Variants in SLC8A1 observed in about 807,000 individuals in gnomAD.
The protein encoded by SLC8A1 is solute carrier family 8 member A1.
A neutral mutation model predicts 68.3 loss-of-function variants in SLC8A1; 18 were observed. That is an observed-to-expected ratio of 0.26 (90% CI 0.18 to 0.39). SLC8A1 has a LOEUF of 0.39. Ranked by LOEUF, SLC8A1 falls within the 10% of genes least tolerant of loss-of-function variation. SLC8A1 has a pLI of 1.00. For missense variants in SLC8A1, 985 were observed against 1,156.7 expected (o/e 0.85, Z 2.15); for synonymous variants, 475 against 415.5 (o/e 1.14, Z -1.74).
intron 4 of SLC8A1, among the ~76,000 whole-genome samples, chr2:40,172,589 C>A (rs559832799): frequency 6.6e-6 from 1 of 152,036 alleles, no homozygotes; most frequent in South Asian, 2.1e-4. Context: ...AAACTAGGAT[C>A]CCATTACCTG....
chr2:40,233,545 T>C (rs1398262515), intron 2 of SLC8A1, among the ~76,000 whole-genome samples: 1 of 139,722 alleles, frequency 7.2e-6, no homozygotes, highest in Non-Finnish European at 1.6e-5. Flanking sequence ...ATTCTGTAGG[T>C]TGCCTGTTCT....
intron 1 of SLC8A1, among the ~76,000 whole-genome samples, chr2:40,476,747 T>C (rs1704317258): frequency 6.6e-6 from 1 of 152,152 alleles, no homozygotes; most frequent in African/African-American, 2.4e-5. Context: ...GTGGCATAGC[T>C]CAGGGATAGA....
At position 40,504,436 on chromosome 2, in the gene SLC8A1, A is replaced by G. The variant is rs150736019; in HGVS notation, c.-25+7913T>C. ...GAGCAATACCCCACAAGCACAGGCA[A>G]CCAAAGCAAAAATGGATAAATGGGA... On this transcript the variant is annotated intron_variant, in intron 1 of 7. Transcript: ENST00000402441. 4.6e-3 allele frequency among the ~76,000 whole-genome samples: 704 copies of G among 152,224 alleles called. 9 individuals are homozygous for G. Among genetic ancestry groups the G allele is most frequent in the African/African-American group, 0.015 (630 of 41,572 alleles).
chr2:40,282,287 C>T (rs2067640392), intron 2 of SLC8A1, among the ~76,000 whole-genome samples: 1 of 152,018 alleles, frequency 6.6e-6, no homozygotes, highest in African/African-American at 2.4e-5. Context: ...GAATAAAATC[C>T]AGAATTCAGC....
chr2:40,362,274 G>A (rs1674851104), intron 2 of SLC8A1, among the ~76,000 whole-genome samples: 1 of 150,060 alleles, frequency 6.7e-6, no homozygotes, highest in South Asian at 2.1e-4. Flanking sequence ...CTGGAAAATG[G>A]AAAAAGAAAA....
intron 7 of SLC8A1, among the ~76,000 whole-genome samples, chr2:40,121,159 T>C (rs541363964): frequency 6.6e-6 from 1 of 152,314 alleles, no homozygotes; most frequent in African/African-American, 2.4e-5. Flanking sequence ...GACTGTATTC[T>C]CTCTCTTGGG....
intron 2 of SLC8A1, among the ~76,000 whole-genome samples, chr2:40,287,582 A>ATGTGTGTGTGTGTGTGTGTG (rs10522914): frequency 0.032 from 4,108 of 127,416 alleles, 156 homozygotes; most frequent in Middle Eastern, 0.065. Context: ...CAGAGGAATG[A>ATGTGTGTGTGTGTGTGTGTG]TGTGTGTGTG....
chr2:40,256,810 A>T (rs562231997), intron 2 of SLC8A1, among the ~76,000 whole-genome samples: 3 of 152,134 alleles, frequency 2.0e-5, no homozygotes, highest in Admixed American at 2.0e-4. Flanking sequence ...CTGCATCCAC[A>T]GGGTTGGGGA....
intron 1 of SLC8A1, among the ~76,000 whole-genome samples, chr2:40,439,882 G>C (rs1373577173): frequency 1.3e-5 from 2 of 152,100 alleles, no homozygotes; most frequent in East Asian, 3.9e-4. Flanking sequence ...CATCAGTGTT[G>C]TATGCTACAA....
chr2:40,485,402 C>T (rs1704897916), intron 1 of SLC8A1, among the ~76,000 whole-genome samples: 1 of 152,106 alleles, frequency 6.6e-6, no homozygotes, highest in South Asian at 2.1e-4. Flanking sequence ...TTTGAACAAG[C>T]AGGACTCATG....
chr2:40,429,915 G>C (rs574101660), exon 2 of SLC8A1: 33 of 1,613,268 alleles, frequency 2.0e-5, no homozygotes, highest in Middle Eastern at 3.3e-4. Flanking sequence ...TTGTCTTGGT[G>C]GTCTCTCCAT....
At chr2:40,307,219 T>TA (rs1559174082) in intron 2 of SLC8A1, among the ~76,000 whole-genome samples, 1 of 151,374 alleles carries the variant, frequency 6.6e-6, no homozygotes, top group African/African-American at 2.4e-5. Flanking sequence ...TATTCAGCCT[T>TA]AAAAAAGGAA....
intron 2 of SLC8A1, among the ~76,000 whole-genome samples, chr2:40,367,128 C>G (rs898401400): frequency 6.6e-6 from 1 of 151,960 alleles, no homozygotes; most frequent in Non-Finnish European, 1.5e-5. Context: ...AGGCCAGCCC[C>G]CAACCTGCCA....
intron 1 of SLC8A1, among the ~76,000 whole-genome samples, chr2:40,498,273 C>G (rs1293238812): frequency 1.3e-5 from 2 of 151,930 alleles, no homozygotes; most frequent in Admixed American, 6.6e-5. Context: ...AAACTAAAGT[C>G]AAATATAAAC....
At chr2:40,496,600 G>T (rs1216085694) in intron 1 of SLC8A1, among the ~76,000 whole-genome samples, 1 of 151,938 alleles carries the variant, frequency 6.6e-6, no homozygotes, top group Non-Finnish European at 1.5e-5. Flanking sequence ...AAAAGAGAAA[G>T]ATCCGAATTA....
At chr2:40,258,261 G>A (rs577466746) in intron 2 of SLC8A1, among the ~76,000 whole-genome samples, 3 of 152,182 alleles carry the variant, frequency 2.0e-5, no homozygotes, top group South Asian at 4.1e-4. Flanking sequence ...CCTTCATTAA[G>A]TGAGCATGTC....
chr2:40,464,795 A>C (rs1249921420), intron 1 of SLC8A1, among the ~76,000 whole-genome samples: 1 of 152,162 alleles, frequency 6.6e-6, no homozygotes, highest in South Asian at 2.1e-4. Flanking sequence ...TATAAGAATA[A>C]TCTGGTCACA....
chr2:40,165,022 C>G, intron 4 of SLC8A1, 38 bp from the exon 8 acceptor site: 1 of 1,611,418 alleles, frequency 6.2e-7, no homozygotes, highest in South Asian at 1.1e-5. Flanking sequence ...GCACTGTGTT[C>G]TGTTTAATTT....
At chr2:40,420,547 G>A (rs1189278430) in intron 2 of SLC8A1, among the ~76,000 whole-genome samples, 1 of 152,128 alleles carries the variant, frequency 6.6e-6, no homozygotes, top group Non-Finnish European at 1.5e-5. Flanking sequence ...AGAGAAAAAA[G>A]CCAAAACCAA....
Sources: gnomAD v4.1 joint callset for allele counts (sites outside exome capture counted in the v4.1 genomes callset) on GRCh38, gnomAD v4.1.1 for gene constraint, MANE v1.5 for transcripts, NCBI Gene and HGNC (gene_info 2026-07-23, HGNC 2026-07-21) for gene names.